Variants in L3MBTL4 observed in about 807,000 individuals in gnomAD.
The protein encoded by L3MBTL4 is L3MBTL histone methyl-lysine binding protein 4, also known as lethal(3)malignant brain tumor-like protein 4.
In L3MBTL4, 70 loss-of-function variants were observed where a neutral mutation model predicts 84.5. The observed-to-expected ratio is 0.83, with a 90% CI of 0.68 to 1.01. The LOEUF is 1.01. L3MBTL4 is among the 50% of genes least tolerant of loss of function. The pLI, the probability that L3MBTL4 is intolerant of heterozygous loss-of-function variation, is 0.00. For missense variants in L3MBTL4, 715 were observed against 754.8 expected (o/e 0.95, Z 0.62); for synonymous variants, 274 against 259.8 (o/e 1.05, Z -0.52).
At chr18:6,309,714 C>A (rs1017695603) in intron 3 of L3MBTL4, among the ~76,000 whole-genome samples, 9 of 152,174 alleles carry the variant, frequency 5.9e-5, no homozygotes, top group African/African-American at 2.2e-4. Context: ...TGTGCTAATG[C>A]AGAAGAGGCA....
intron 4 of L3MBTL4, among the ~76,000 whole-genome samples, chr18:6,266,585 A>G (rs1221095040): frequency 1.3e-5 from 2 of 152,194 alleles, no homozygotes; most frequent in African/African-American, 4.8e-5. Flanking sequence ...AACAAACACA[A>G]AATCCATCAA....
At chr18:6,009,778 C>A (rs1392707495) in intron 16 of L3MBTL4, among the ~76,000 whole-genome samples, 1 of 152,172 alleles carries the variant, frequency 6.6e-6, no homozygotes, top group African/African-American at 2.4e-5. Context: ...TTGGTTGAAT[C>A]TGTGGTTGCA....
chr18:6,060,224 A>G (rs1181024386), intron 16 of L3MBTL4, among the ~76,000 whole-genome samples: 1 of 152,134 alleles, frequency 6.6e-6, no homozygotes, highest in Non-Finnish European at 1.5e-5. Context: ...CTATGTGGTT[A>G]TCCAGCTCCT....
intron 1 of L3MBTL4, among the ~76,000 whole-genome samples, chr18:6,316,981 A>G (rs2051138375): frequency 6.6e-6 from 1 of 151,232 alleles, no homozygotes; most frequent in Admixed American, 6.6e-5. Flanking sequence ...CAACCCAGTA[A>G]ATAAATAAAA....
chr18:6,041,605 C>T (rs948586822), intron 16 of L3MBTL4, among the ~76,000 whole-genome samples: 4 of 152,016 alleles, frequency 2.6e-5, no homozygotes, highest in Non-Finnish European at 5.9e-5. Context: ...GTCATGAAGG[C>T]AGAACGTGTC....
At chr18:5,990,208 G>A (rs1423405970) in intron 16 of L3MBTL4, among the ~76,000 whole-genome samples, 2 of 152,190 alleles carry the variant, frequency 1.3e-5, no homozygotes, top group African/African-American at 2.4e-5. Context: ...GGAAGGTTAC[G>A]TGTATTGCTG....
chr18:6,343,540 T>A (rs368260414), intron 1 of L3MBTL4, among the ~76,000 whole-genome samples: 6 of 151,790 alleles, frequency 4.0e-5, no homozygotes, highest in African/African-American at 1.5e-4. Flanking sequence ...TGGGCACCTG[T>A]AGTCCCAGCT....
At chr18:6,213,293 C>A in intron 11 of L3MBTL4, 34 bp from the exon 12 acceptor site, 1 of 1,264,074 alleles carries the variant, frequency 7.9e-7, no homozygotes. Flanking sequence ...ACAAATCATG[C>A]AAAATTCAGT....
At chr18:6,346,062 C>T (rs985620148) in intron 1 of L3MBTL4, among the ~76,000 whole-genome samples, 1 of 148,020 alleles carries the variant, frequency 6.8e-6, no homozygotes, top group African/African-American at 2.5e-5. Context: ...AGTGAGAATA[C>T]ACAATGGAGA....
At chr18:6,208,671 T>C (rs1357004035) in intron 12 of L3MBTL4, among the ~76,000 whole-genome samples, 1 of 152,230 alleles carries the variant, frequency 6.6e-6, no homozygotes, top group Non-Finnish European at 1.5e-5. Context: ...TGTAATTTAA[T>C]GTGCATTTTC....
intron 10 of L3MBTL4, among the ~76,000 whole-genome samples, chr18:6,223,158 A>T (rs1010273111): frequency 1.3e-5 from 2 of 152,062 alleles, no homozygotes; most frequent in Admixed American, 6.6e-5. Context: ...TACAAAGTAC[A>T]TTTCATTACC....
intron 16 of L3MBTL4, among the ~76,000 whole-genome samples, chr18:6,066,178 T>G (rs1042129418): frequency 2.0e-5 from 3 of 152,192 alleles, no homozygotes; most frequent in African/African-American, 7.2e-5. Context: ...GAATTCCTTT[T>G]GGAGTTGATT....
chr18:6,028,373 C>T (rs146232979), intron 16 of L3MBTL4, among the ~76,000 whole-genome samples: 278 of 152,284 alleles, frequency 1.8e-3, no homozygotes, highest in African/African-American at 6.4e-3. Context: ...TCTGAGGTCT[C>T]TGCTCTGTTC....
chr18:6,067,024 T>G (rs1321701124), intron 16 of L3MBTL4, among the ~76,000 whole-genome samples: 1 of 152,120 alleles, frequency 6.6e-6, no homozygotes, highest in African/African-American at 2.4e-5. Flanking sequence ...TTTGTTTGTC[T>G]GAGAAAGACT....
rs62076851 is a variant in L3MBTL4, at chr18:6,007,226, C to T, written c.1445-37664G>A. ...ATATCACGGAGAAAAATCTAGTGTC[C>T]TAAAGCATAAAGATAAAGAGCTCTT... is the stretch of plus-strand genomic sequence containing the variant. On this transcript the variant is annotated intron_variant, in intron 16 of 18. Transcript: ENST00000317931. Among the ~76,000 whole-genome samples, 260 of 151,500 alleles carry T rather than the reference C, an allele frequency of 1.7e-3. 1 individual carries two copies. The highest frequency in any genetic ancestry group is 3.2e-3 in the Non-Finnish European group (219 of 67,872).
chr18:6,236,645 C>A (rs960585409), intron 10 of L3MBTL4, among the ~76,000 whole-genome samples: 5 of 152,148 alleles, frequency 3.3e-5, no homozygotes, highest in African/African-American at 7.2e-5. Context: ...GAACATCATT[C>A]TAAAGTTAGT....
chr18:6,255,532 CTTT>C (rs2048099805), intron 5 of L3MBTL4, among the ~76,000 whole-genome samples: 2 of 152,188 alleles, frequency 1.3e-5, no homozygotes, highest in African/African-American at 4.8e-5. Flanking sequence ...AATGGGAATT[CTTT>C]CTGCCCTTCA....
At chr18:6,311,897 T>C (rs974055348) in intron 2 of L3MBTL4, 101 bp downstream of exon 2, 3 of 329,994 alleles carry the variant, frequency 9.1e-6, no homozygotes, top group East Asian at 6.5e-5. Context: ...ATAGATATTA[T>C]TGCTTTTGGT....
intron 13 of L3MBTL4, among the ~76,000 whole-genome samples, chr18:6,155,051 G>T (rs1282871378): frequency 6.6e-6 from 1 of 151,976 alleles, no homozygotes; most frequent in African/African-American, 2.4e-5. Flanking sequence ...TAATTCTTTG[G>T]AACAATAAAA....
Sources: gnomAD v4.1 joint callset for allele counts (sites outside exome capture counted in the v4.1 genomes callset) on GRCh38, gnomAD v4.1.1 for gene constraint, MANE v1.5 for transcripts, NCBI Gene and HGNC (gene_info 2026-07-23, HGNC 2026-07-21) for gene names.